The following ADGRG2 variants were observed in gnomAD, a reference collection of about 807,000 sequenced individuals.
The protein encoded by ADGRG2 is adhesion G protein-coupled receptor G2, also known as G protein-coupled receptor 64.
In ADGRG2, 26 loss-of-function variants were observed where a neutral mutation model predicts 74.1. The observed-to-expected ratio is 0.35, with a 90% CI of 0.26 to 0.49. ADGRG2 has a LOEUF of 0.49. Among genes scored for constraint, ADGRG2 ranks in the 20% least tolerant of loss-of-function variants. The probability of loss-of-function intolerance (pLI) is 0.99; values close to 1 mark genes in which losing one functional copy is unlikely to be tolerated. For missense variants in ADGRG2, 619 were observed against 763.1 expected (o/e 0.81, Z 2.22); for synonymous variants, 296 against 295.2 (o/e 1.00, Z -0.03).
intron 26 of ADGRG2, among the ~76,000 whole-genome samples, chrX:18,997,436 C>T (rs1569355630): frequency 8.9e-6 from 1 of 112,043 alleles, no homozygotes; most frequent in Non-Finnish European, 1.9e-5. Context: ...ACCTTGCTTT[C>T]ATGTCAATGA....
chrX:19,031,642 T>G (rs2060828259), intron 8 of ADGRG2: 2 of 112,167 alleles, frequency 1.8e-5, no homozygotes, highest in South Asian at 7.3e-4. Flanking sequence ...ATAAAAAGCA[T>G]TTTTTAATTT....
chrX:19,055,173 A>G (rs1440019962), intron 3 of ADGRG2, among the ~76,000 whole-genome samples: 1 of 112,082 alleles, frequency 8.9e-6, no homozygotes, highest in East Asian at 2.8e-4. Context: ...TGAAGATGAG[A>G]GCTTTATAGA....
intron 4 of ADGRG2, among the ~76,000 whole-genome samples, chrX:19,038,264 C>T (rs2060983534): frequency 8.9e-6 from 1 of 112,222 alleles, no homozygotes; most frequent in African/African-American, 3.2e-5. Flanking sequence ...AATGGCTTGA[C>T]CTCTACCTAA....
chrX:19,080,068 C>T (rs1355062525), intron 2 of ADGRG2, among the ~76,000 whole-genome samples: 3 of 110,208 alleles, frequency 2.7e-5, no homozygotes, highest in Non-Finnish European at 5.7e-5. Flanking sequence ...TGCCACCACA[C>T]CTGGCTAATT....
At chrX:18,991,975 T>G (rs1330570972) in intron 28 of ADGRG2, among the ~76,000 whole-genome samples, 1 of 111,802 alleles carries the variant, frequency 8.9e-6, no homozygotes, top group East Asian at 2.8e-4. Context: ...AGAAATTAAG[T>G]GCTCTCCCCA....
In ADGRG2 at chrX:18,999,924, A is replaced by G. The variant is rs200918266; in HGVS notation, c.2267T>C (p.Ile756Thr). The G allele has an allele frequency of 8.4e-7, 1 of 1,188,531 alleles. No homozygotes were observed. Among genetic ancestry groups the G allele is most frequent in the Non-Finnish European group, 1.1e-6 (1 of 875,163 alleles). The change falls in exon 25 of 29, where the codon ATA (isoleucine) becomes ACA (threonine). Residue 756 changes from isoleucine to threonine, a missense_variant. This residue lies in a region of ADGRG2 where 221 missense variants were observed against 340.6 expected (regional missense o/e 0.65). Transcript: ENST00000379869. ...PAVVVTIILT[I>T]SPDNYGLGSY... ...TCCAAGCCCATAGTTATCTGGGGAT[A>G]TAGTCAGGATGATGGTCACAACCAC...
At chrX:19,040,820 C>T (rs1177967963) in intron 3 of ADGRG2, among the ~76,000 whole-genome samples, 2 of 111,140 alleles carry the variant, frequency 1.8e-5, no homozygotes, top group African/African-American at 6.5e-5. Flanking sequence ...GAAAATAATA[C>T]ATACATATTG....
intron 15 of ADGRG2, among the ~76,000 whole-genome samples, chrX:19,015,239 G>A (rs2060443961): frequency 8.9e-6 from 1 of 112,125 alleles, no homozygotes; most frequent in Non-Finnish European, 1.9e-5. Context: ...TGTTCTTAGA[G>A]CTTCTCTAGG....
chrX:19,018,652 G>A, intron 15 of ADGRG2, among the ~76,000 whole-genome samples: 1 of 111,366 alleles, frequency 9.0e-6, no homozygotes, highest in East Asian at 2.8e-4. Flanking sequence ...TCAAAATTTA[G>A]TATAAGACAA....
intron 1 of ADGRG2, among the ~76,000 whole-genome samples, chrX:19,121,808 C>G (rs2062614103): frequency 9.0e-6 from 1 of 111,547 alleles, no homozygotes; most frequent in South Asian, 3.9e-4. Flanking sequence ...CTTCTTCCCC[C>G]TCACTTTTTA....
intron 3 of ADGRG2, among the ~76,000 whole-genome samples, chrX:19,055,159 G>C (rs941454989): frequency 3.6e-5 from 4 of 112,276 alleles, no homozygotes; most frequent in African/African-American, 6.5e-5. Context: ...CCCAACATCA[G>C]ATGTGAAGAT....
At chrX:19,050,771 G>GGGC (rs1490824843) in intron 3 of ADGRG2, among the ~76,000 whole-genome samples, 1 of 111,424 alleles carries the variant, frequency 9.0e-6, no homozygotes, top group African/African-American at 3.3e-5. Context: ...TCCCACCCCT[G>GGGC]ATCATTTCAA....
At chrX:19,061,445 G>A (rs1006401290) in intron 3 of ADGRG2, among the ~76,000 whole-genome samples, 1 of 112,183 alleles carries the variant, frequency 8.9e-6, no homozygotes, top group Admixed American at 9.5e-5. Flanking sequence ...GAGGATCAGA[G>A]TTCAAGATAT....
chrX:19,012,866 T>G (rs898482832), intron 16 of ADGRG2, among the ~76,000 whole-genome samples: 2 of 110,601 alleles, frequency 1.8e-5, no homozygotes, highest in Non-Finnish European at 3.8e-5. Flanking sequence ...AACTGAAACT[T>G]CAGTGTATCC....
intron 3 of ADGRG2, among the ~76,000 whole-genome samples, chrX:19,056,860 C>G (rs2061416813): frequency 9.0e-6 from 1 of 111,388 alleles, no homozygotes; most frequent in Non-Finnish European, 1.9e-5. Context: ...AATGAACATG[C>G]CTGCTGAGCC....
At chrX:19,020,885 C>A (rs2060573782) in intron 14 of ADGRG2, among the ~76,000 whole-genome samples, 1 of 110,190 alleles carries the variant, frequency 9.1e-6, no homozygotes, top group Non-Finnish European at 1.9e-5. Flanking sequence ...TCACCTGAAT[C>A]CGGGAAGTGG....
intron 11 of ADGRG2, among the ~76,000 whole-genome samples, chrX:19,025,521 T>C (rs2060682285): frequency 1.8e-5 from 2 of 111,364 alleles, no homozygotes; most frequent in Admixed American, 9.6e-5. Context: ...TTAAATGAAC[T>C]CAGTTCTATT....
At chrX:19,106,779 C>G (rs1436997779) in intron 1 of ADGRG2, among the ~76,000 whole-genome samples, 3 of 109,400 alleles carry the variant, frequency 2.7e-5, no homozygotes, top group African/African-American at 1.0e-4. Flanking sequence ...ATTAGCTGGG[C>G]GGTGGTGGCG....
At chrX:19,042,807 A>G (rs1275129607) in intron 3 of ADGRG2, among the ~76,000 whole-genome samples, 1 of 111,172 alleles carries the variant, frequency 9.0e-6, no homozygotes, top group East Asian at 2.8e-4. Context: ...CCTGGCCAAC[A>G]TGGCGAAACC....
Sources: allele counts gnomAD v4.1 joint callset (sites outside exome capture counted in the v4.1 genomes callset), GRCh38; gene constraint gnomAD v4.1.1; regional missense constraint gnomAD v4.1.1; transcripts MANE v1.5; gene names NCBI Gene and HGNC (gene_info 2026-07-23, HGNC 2026-07-21).